Variants in SLC9C2 observed in about 807,000 individuals in gnomAD.
SLC9C2 encodes the protein solute carrier family 9 member C2 (putative).
SLC9C2 carries 75 observed loss-of-function variants against 140.2 expected under a neutral mutation model. That is an observed-to-expected ratio of 0.53 (90% CI 0.44 to 0.65). SLC9C2 has a LOEUF of 0.65. SLC9C2 is among the 30% of genes least tolerant of loss of function. The probability of loss-of-function intolerance (pLI) is 0.00; values close to 1 mark genes in which losing one functional copy is unlikely to be tolerated. For synonymous variants in SLC9C2, 375 were observed against 420.9 expected (o/e 0.89, Z 1.34); for missense variants, 1,074 against 1,331.8 (o/e 0.81, Z 3.01).
At chr1:173,518,086 C>G (rs1325486580) in intron 22 of SLC9C2, among the ~76,000 whole-genome samples, 1 of 152,080 alleles carries the variant, frequency 6.6e-6, no homozygotes, top group African/African-American at 2.4e-5. Context: ...TGGTGAAACC[C>G]CGTCTCTGCT....
At chr1:173,556,972 G>A (rs1412082120) in intron 10 of SLC9C2, among the ~76,000 whole-genome samples, 1 of 151,472 alleles carries the variant, frequency 6.6e-6, no homozygotes, top group Non-Finnish European at 1.5e-5. Context: ...GCATGTATGT[G>A]TTCAATAACA....
chr1:173,557,134 A>G (rs1255333132), intron 10 of SLC9C2, among the ~76,000 whole-genome samples: 1 of 152,132 alleles, frequency 6.6e-6, no homozygotes, highest in Non-Finnish European at 1.5e-5. Flanking sequence ...TTTATCTAAT[A>G]CCACATCCAT....
chr1:173,521,494 TATATG>T, intron 21 of SLC9C2, 95 bp from the exon 22 acceptor site: 1 of 238,358 alleles, frequency 4.2e-6, no homozygotes, highest in South Asian at 1.7e-4. Flanking sequence ...TATATATATA[TATATG>T]ATTTTATTAT....
chr1:173,527,289 A>G (rs1661271682), intron 18 of SLC9C2, among the ~76,000 whole-genome samples: 1 of 152,170 alleles, frequency 6.6e-6, no homozygotes, highest in Non-Finnish European at 1.5e-5. Context: ...TGAGTCTAGT[A>G]CAGTCAGTAG....
intron 4 of SLC9C2, among the ~76,000 whole-genome samples, chr1:173,589,731 G>A (rs1666050842): frequency 6.6e-6 from 1 of 152,116 alleles, no homozygotes; most frequent in Admixed American, 6.5e-5. Context: ...TGTTTAAAGG[G>A]AAACTTATAA....
intron 22 of SLC9C2, among the ~76,000 whole-genome samples, chr1:173,520,108 A>T (rs557966880): frequency 6.6e-6 from 1 of 152,264 alleles, no homozygotes; most frequent in African/African-American, 2.4e-5. Flanking sequence ...AGATGGTGTC[A>T]CTGCACTCCA....
At chr1:173,576,146 C>T (rs1254546948) in intron 8 of SLC9C2, among the ~76,000 whole-genome samples, 1 of 152,106 alleles carries the variant, frequency 6.6e-6, no homozygotes, top group African/African-American at 2.4e-5. Context: ...AACCAATTCT[C>T]TAATTTATCA....
rs1661815018 is a variant in SLC9C2, at chr1:173,534,660, T to C, written c.1798A>G (p.Ile600Val). The change falls in exon 16 of 28, where the codon ATA becomes GTA. Residue 600 changes from isoleucine to valine, a missense_variant. Coordinates refer to ENST00000367714, the MANE Select transcript of SLC9C2 (RefSeq NM_178527.4). Reference protein sequence around the residue: ...PPESNTFLTFIFHIVFSEEFE... With the variant: ...PPESNTFLTFVFHIVFSEEFE... Reference sequence around the variant, plus strand: ...TCTTCAGAAAATACTATGTGAAATATAAAAGTCAGAAATGTATTACTCCTG... The same window carrying C: ...TCTTCAGAAAATACTATGTGAAATACAAAAGTCAGAAATGTATTACTCCTG... 6.5e-7 allele frequency: 1 copy of C among 1,529,306 alleles called. No homozygotes were observed. Among genetic ancestry groups the C allele is most frequent in the Non-Finnish European group, 8.8e-7 (1 of 1,137,594 alleles). 94.7% of individuals were successfully genotyped at this position (1,529,306 alleles called of 1,614,324 possible).
At chr1:173,601,177 G>A (rs943915856) in intron 2 of SLC9C2, among the ~76,000 whole-genome samples, 1 of 152,134 alleles carries the variant, frequency 6.6e-6, no homozygotes, top group African/African-American at 2.4e-5. Context: ...CAAAATGAAT[G>A]ACATCAATTA....
intron 4 of SLC9C2, among the ~76,000 whole-genome samples, chr1:173,594,452 C>T (rs893209052): frequency 2.1e-4 from 32 of 152,078 alleles, no homozygotes; most frequent in African/African-American, 3.9e-4. Flanking sequence ...TTTAAAATTA[C>T]AATTTTTAAA....
Position 173,598,042 on chromosome 1 carries a change from C to G in SLC9C2, c.229-10G>C. 6.4e-7 allele frequency: 1 copy of G among 1,570,652 alleles called. No individual in the cohort carries two copies. The highest frequency in any genetic ancestry group is 8.6e-7 in the Non-Finnish European group (1 of 1,161,248). On this transcript the variant is annotated splice_polypyrimidine_tract_variant and intron_variant, in intron 3 of 27. Coordinates refer to ENST00000367714, the MANE Select transcript of SLC9C2 (RefSeq NM_178527.4). ...AGACAATTTGGTGCACCTAAAGTAACAAAGGCAAACAAGAAATTAGTTTGC... is the reference window on the plus strand; with the variant it reads ...AGACAATTTGGTGCACCTAAAGTAAGAAAGGCAAACAAGAAATTAGTTTGC...
chr1:173,500,971 C>T lies in SLC9C2; in HGVS notation c.*123G>A, dbSNP rs1571406119. The T allele has an allele frequency of 8.6e-7, 1 of 1,158,838 alleles. No homozygotes were observed. The allele number at this position is 1,158,838 out of a possible 1,614,324, so 71.8% of individuals were successfully genotyped here. A position where few individuals can be genotyped will look rare whatever the true frequency, so the allele number is the denominator to read the frequency against. On this transcript the variant is annotated 3_prime_UTR_variant, in exon 28 of 28. Coordinates refer to ENST00000367714, the MANE Select transcript of SLC9C2 (RefSeq NM_178527.4). ...CAGCAGTAACCTGTTTCAGTAGCTT[C>T]TAAGTAAACTCCTTGCAGATAATCC...
intron 24 of SLC9C2, among the ~76,000 whole-genome samples, chr1:173,508,988 A>AG (rs67419313): frequency 6.6e-6 from 1 of 151,908 alleles, no homozygotes; most frequent in African/African-American, 2.4e-5. Context: ...TGCTTGGTTC[A>AG]GGGGGGGATC....
intron 15 of SLC9C2, among the ~76,000 whole-genome samples, chr1:173,535,367 TA>T (rs1661869387): frequency 6.6e-6 from 1 of 152,222 alleles, no homozygotes; most frequent in Non-Finnish European, 1.5e-5. Context: ...CCCAGTTAAG[TA>T]AAATCTGTGT....
At chr1:173,564,210 A>T (rs1466477488) in intron 9 of SLC9C2, among the ~76,000 whole-genome samples, 3 of 152,168 alleles carry the variant, frequency 2.0e-5, no homozygotes, top group Non-Finnish European at 4.4e-5. Context: ...CTTTATTTGG[A>T]GTATATATGC....
intron 18 of SLC9C2, among the ~76,000 whole-genome samples, chr1:173,527,179 T>C (rs533961109): frequency 8.5e-5 from 13 of 152,308 alleles, no homozygotes; most frequent in African/African-American, 3.1e-4. Context: ...AAAGGAAGTA[T>C]GGTAGAGGAC....
At chr1:173,589,093 T>C (rs1037663076) in intron 4 of SLC9C2, among the ~76,000 whole-genome samples, 1 of 152,102 alleles carries the variant, frequency 6.6e-6, no homozygotes, top group Non-Finnish European at 1.5e-5. Flanking sequence ...ATAAAATAAG[T>C]GCGGGAGGAT....
At chr1:173,539,362 A>G (rs1430231317) in intron 13 of SLC9C2, among the ~76,000 whole-genome samples, 5 of 152,244 alleles carry the variant, frequency 3.3e-5, no homozygotes, top group Non-Finnish European at 7.3e-5. Flanking sequence ...AAGATTCACA[A>G]GAATGGAAAG....
chr1:173,525,343 C>A (rs1398917929), intron 19 of SLC9C2, among the ~76,000 whole-genome samples: 1 of 152,210 alleles, frequency 6.6e-6, no homozygotes, highest in East Asian at 1.9e-4. Flanking sequence ...GGAGCATATT[C>A]TTTCCCCTTC....
Sources: gnomAD v4.1 joint callset for allele counts (sites outside exome capture counted in the v4.1 genomes callset) on GRCh38, gnomAD v4.1.1 for gene constraint, MANE v1.5 for transcripts, NCBI Gene and HGNC (gene_info 2026-07-23, HGNC 2026-07-21) for gene names.